The following DCN variants were observed in gnomAD, a reference collection of about 807,000 sequenced individuals.
DCN encodes bone proteoglycan II.
A neutral mutation model predicts 36.5 loss-of-function variants in DCN; 17 were observed. The observed-to-expected ratio is 0.47, with a 90% CI of 0.32 to 0.70. DCN has a LOEUF of 0.70. Among genes scored for constraint, DCN ranks in the 30% least tolerant of loss-of-function variants. The pLI, the probability that DCN is intolerant of heterozygous loss-of-function variation, is 0.04. For missense variants in DCN, 389 were observed against 430.1 expected, an observed-to-expected ratio of 0.90 and a Z score of 0.84; for synonymous variants, 163 against 161.4, an observed-to-expected ratio of 1.01 and a Z score of -0.07.
Position 91,151,681 on chromosome 12 carries a change from A to G in DCN, c.858T>C (p.Gly286=), listed in dbSNP as rs1474214434. 1.2e-6 allele frequency: 2 copies of G among 1,613,958 alleles called. No individual in the cohort carries two copies. Among genetic ancestry groups the G allele is most frequent in the Non-Finnish European group, 1.7e-6 (2 of 1,179,968 alleles). The part of the protein sequence containing the change: ...LDNNKLTRVP[G]GLAEHKYIQV... Reference sequence around the variant, plus strand: ...GGATGTACTTATGCTCTGCCAGCCCACCAGGTACTCTGGTAAGCTTGTTGT... The same window carrying G: ...GGATGTACTTATGCTCTGCCAGCCCGCCAGGTACTCTGGTAAGCTTGTTGT... The change falls in exon 7 of 8, where the codon GGT becomes GGC. Residue 286 remains glycine (G), a synonymous_variant. Coordinates refer to ENST00000052754, the MANE Select transcript of DCN (RefSeq NM_001920.5).
chr12:91,168,882 T>C (rs181361721), intron 2 of DCN, among the ~76,000 whole-genome samples: 7 of 152,192 alleles, frequency 4.6e-5, no homozygotes, highest in Non-Finnish European at 8.8e-5. Context: ...AGAAGACTGA[T>C]TTTTCTGTCT....
chr12:91,168,928 A>G (rs1344142955), intron 2 of DCN, among the ~76,000 whole-genome samples: 1 of 152,226 alleles, frequency 6.6e-6, no homozygotes, highest in African/African-American at 2.4e-5. Flanking sequence ...GAGTTTCTCT[A>G]CATGGCATAT....
In DCN at chr12:91,164,833, CA is replaced by C. The variant is rs1882444281; in HGVS notation, c.212-117del. Reference sequence around the variant, plus strand: ...ATGATGATCATCTTAACAGTAACAACATATTTTTCTTCTTCTAAGAATTACA... The same window carrying C: ...ATGATGATCATCTTAACAGTAACAACTATTTTTCTTCTTCTAAGAATTACA... On this transcript the variant is annotated intron_variant, in intron 2 of 7. Transcript: ENST00000052754. The C allele has an allele frequency of 8.9e-6, 6 of 677,064 alleles. No homozygotes were observed. The Middle Eastern group carries it at 1.1e-3, about 119-fold the overall frequency. 41.9% of individuals were successfully genotyped at this position (677,064 alleles called of 1,614,324 possible).
chr12:91,151,196 AT>A (rs148694970), intron 7 of DCN: 24,907 of 194,394 alleles, frequency 0.13, 1,852 homozygotes, highest in Non-Finnish European at 0.17. Flanking sequence ...AACGTATCTC[AT>A]TTTTTTTTTA....
intron 3 of DCN, among the ~76,000 whole-genome samples, chr12:91,162,125 G>C (rs1416752642): frequency 1.3e-5 from 2 of 151,988 alleles, no homozygotes; most frequent in Admixed American, 1.3e-4. Context: ...ATTTTCAGTA[G>C]AGACAGGGTT....
At chr12:91,159,873 TTATAG>T (rs1240180543) in intron 3 of DCN, among the ~76,000 whole-genome samples, 3 of 152,100 alleles carry the variant, frequency 2.0e-5, no homozygotes, top group Non-Finnish European at 4.4e-5. Context: ...GCATTTTCAA[TTATAG>T]TATATGTTTC....
rs1227008734 is a variant in DCN at position 91,146,140 on chromosome 12, G to A, written c.998C>T (p.Pro333Leu). 7 of 1,613,738 alleles carry A rather than the reference G, an allele frequency of 4.3e-6. No homozygotes were observed. Among genetic ancestry groups the A allele is most frequent in the South Asian group, 1.1e-5 (1 of 91,016 alleles). The change falls in exon 8 of 8, where the codon CCG becomes CTG. Residue 333 changes from proline (P) to leucine (L), a missense_variant. Transcript: ENST00000052754. ...TGGCTGTATCTCCCAGTACTGGACC[G>A]GGTTGCTGAAAAGACTCACACCCGA... ...SYSGVSLFSN[P>L]VQYWEIQPST...
intron 2 of DCN, among the ~76,000 whole-genome samples, chr12:91,174,518 A>T (rs3138178): frequency 0.017 from 2,572 of 152,256 alleles, 70 homozygotes; most frequent in African/African-American, 0.058. Context: ...TATCAGAAAC[A>T]GCCTCATGTT....
rs961928179 is a variant in DCN, at chr12:91,143,853, T to C, written c.*2205A>G. 6.7e-6 allele frequency: 1 copy of C among 148,370 alleles called. No homozygotes were observed. Among genetic ancestry groups the C allele is most frequent in the Non-Finnish European group, 1.5e-5 (1 of 67,218 alleles). The allele number at this position is 148,370 out of a possible 1,614,324, so 9.2% of individuals were successfully genotyped here. A position where few individuals can be genotyped will look rare whatever the true frequency, so the allele number is the denominator to read the frequency against. ...ATATATATATATAAAGATATATATGTGTGTATATATATAAAGATATATATG... is the reference window on the plus strand; with the variant it reads ...ATATATATATATAAAGATATATATGCGTGTATATATATAAAGATATATATG... On this transcript the variant is annotated 3_prime_UTR_variant, in exon 8 of 8. Transcript: ENST00000052754.
At chr12:91,172,697 G>A (rs1883044752) in intron 2 of DCN, 1 of 683,442 alleles carries the variant, frequency 1.5e-6, no homozygotes, top group African/African-American at 1.8e-5. Context: ...CAGCTTGCTA[G>A]AGTCAAGAAT....
intron 2 of DCN, among the ~76,000 whole-genome samples, chr12:91,169,378 C>CAAAAAAAA (rs58056993): frequency 6.8e-5 from 5 of 73,394 alleles, no homozygotes; most frequent in Admixed American, 2.1e-4. Context: ...GAGATCCTGT[C>CAAAAAAAA]AAAAAAAAAA....
Position 91,140,964 on chromosome 12 carries a change from C to A in DCN, c.*5094G>T, listed in dbSNP as rs978657225. On this transcript the variant is annotated 3_prime_UTR_variant, in exon 8 of 8. Coordinates refer to ENST00000052754, the MANE Select transcript of DCN (RefSeq NM_001920.5). ...TGGCCTCTCTACCATCAAAACAAAC[C>A]CCATATTTTGATCCCTTCTCAACAA... 6.6e-6 allele frequency: 1 copy of A among 152,172 alleles called. No homozygotes were observed. The highest frequency in any genetic ancestry group is 2.4e-5 in the African/African-American group (1 of 41,432). The allele number at this position is 152,172 out of a possible 1,614,324, so 9.4% of individuals were successfully genotyped here.
chr12:91,167,592 G>T (rs911540173), intron 2 of DCN, among the ~76,000 whole-genome samples: 1 of 151,884 alleles, frequency 6.6e-6, no homozygotes, highest in African/African-American at 2.4e-5. Context: ...ATAGCAGATG[G>T]CAGGCTCTTC....
intron 2 of DCN, chr12:91,172,932 T>C (rs1883066778): frequency 3.8e-6 from 2 of 524,190 alleles, no homozygotes; most frequent in Non-Finnish European, 6.7e-6. Context: ...CACAGATATG[T>C]ATATATAATT....
At position 91,146,160 on chromosome 12, in the gene DCN, A is replaced by C. The variant is rs1459677195; in HGVS notation, c.978T>G (p.Gly326=). 6.2e-7 allele frequency: 1 copy of C among 1,613,416 alleles called. No individual in the cohort carries two copies. Residue 326 remains glycine (G), a synonymous_variant, in exon 8 of 8, where the codon GGT becomes GGG. Transcript: ENST00000052754. The part of the protein sequence containing the change: ...GHNTKKASYS[G]VSLFSNPVQY... ...GGACCGGGTTGCTGAAAAGACTCACACCCGAATAAGAAGCCTTTTTGGTGT... is the reference window on the plus strand; with the variant it reads ...GGACCGGGTTGCTGAAAAGACTCACCCCCGAATAAGAAGCCTTTTTGGTGT...
chr12:91,169,381 A>T lies in DCN; in HGVS notation c.212-4664T>A, dbSNP rs1399925555. Among the ~76,000 whole-genome samples the T allele has an allele frequency of 5.4e-5, 8 of 147,870 alleles. 1 individual carries two copies. The highest frequency in any genetic ancestry group is 1.0e-4 in the Non-Finnish European group (7 of 67,604). ...AGGCAACAGGGGGAGATCCTGTCAAAAAAAAAAAAAAAAAAAAAAACCAAA... is the reference window on the plus strand; with the variant it reads ...AGGCAACAGGGGGAGATCCTGTCAATAAAAAAAAAAAAAAAAAAAACCAAA... On this transcript the variant is annotated intron_variant, in intron 2 of 7. Transcript: ENST00000052754.
intron 6 of DCN, among the ~76,000 whole-genome samples, chr12:91,152,647 G>A (rs1881508298): frequency 6.6e-6 from 1 of 151,960 alleles, no homozygotes; most frequent in African/African-American, 2.4e-5. Context: ...GAGAAGAGGG[G>A]GTTAGAGAAT....
Position 91,177,925 on chromosome 12 carries a change from T to G in DCN, c.211+417A>C, listed in dbSNP as rs146870963. Among the ~76,000 whole-genome samples, 503 of 152,302 alleles carry G rather than the reference T, an allele frequency of 3.3e-3. 5 individuals carry two copies. The highest frequency in any genetic ancestry group is 0.011 in the African/African-American group (465 of 41,568). ...TTGAAACTCTGTTGTCTGGGCTAAG[T>G]GAATAGTAGAGAGACTGACCTGATT... On this transcript the variant is annotated intron_variant, in intron 2 of 7. Coordinates refer to ENST00000052754, the MANE Select transcript of DCN (RefSeq NM_001920.5).
At chr12:91,162,805 A>T (rs1882244001) in intron 3 of DCN, among the ~76,000 whole-genome samples, 1 of 152,196 alleles carries the variant, frequency 6.6e-6, no homozygotes, top group Non-Finnish European at 1.5e-5. Context: ...GTCATCTTGT[A>T]GTTGAAACAA....
Sources: allele counts gnomAD v4.1 joint callset (sites outside exome capture counted in the v4.1 genomes callset), GRCh38; gene constraint gnomAD v4.1.1; transcripts MANE v1.5; gene names NCBI Gene and HGNC (gene_info 2026-07-23, HGNC 2026-07-21).